Variants in KDM3A observed in about 807,000 individuals in gnomAD.
KDM3A encodes lysine demethylase 3A.
Under a neutral mutation model 158.0 loss-of-function variants are expected in KDM3A, and 60 were observed. The observed-to-expected ratio is 0.38, with a 90% CI of 0.31 to 0.47. The LOEUF (loss-of-function observed/expected upper bound fraction) is 0.47, where lower values mean the gene tolerates loss of function less well. KDM3A is among the 20% of genes least tolerant of loss of function. The pLI is 0.99. For synonymous variants in KDM3A, 608 were observed against 549.3 expected (o/e 1.11, Z -1.49); for missense variants, 1,319 against 1,574.3 (o/e 0.84, Z 2.74).
chr2:86,442,315 T>C, intron 2 of KDM3A, 82 bp downstream of exon 2: 2 of 1,340,212 alleles, frequency 1.5e-6, no homozygotes, highest in Non-Finnish European at 2.0e-6. Flanking sequence ...CCTTCCGTTT[T>C]CTGAAAACGG....
chr2:86,463,272 A>G (rs1672998005), intron 8 of KDM3A, among the ~76,000 whole-genome samples: 1 of 152,212 alleles, frequency 6.6e-6, no homozygotes, highest in Non-Finnish European at 1.5e-5. Context: ...ATTTAAGCAC[A>G]TGTGAGGAGC....
At chr2:86,491,312 T>C (rs1674445582) in intron 25 of KDM3A, 37 bp downstream of exon 25, 3 of 1,603,948 alleles carry the variant, frequency 1.9e-6, no homozygotes, top group Non-Finnish European at 1.7e-6. Context: ...TCTTTGGCTA[T>C]GGCTATGGCT....
intron 18 of KDM3A, 179 bp from the exon 19 acceptor site, chr2:86,483,808 G>C: frequency 1.9e-6 from 1 of 536,668 alleles, no homozygotes; most frequent in Non-Finnish European, 3.3e-6. Flanking sequence ...CAGATGAATG[G>C]TGAAGGTTGG....
chr2:86,450,585 G>T (rs1465201760), intron 3 of KDM3A, among the ~76,000 whole-genome samples: 2 of 152,184 alleles, frequency 1.3e-5, no homozygotes, highest in African/African-American at 4.8e-5. Context: ...AGTCTTTATG[G>T]GACTTGAGCT....
chr2:86,443,675 C>T (rs1682838083), intron 2 of KDM3A: 1 of 152,146 alleles, frequency 6.6e-6, no homozygotes, highest in Non-Finnish European at 1.5e-5. Flanking sequence ...CAGAAGCTGC[C>T]CTCTTAACCA....
chr2:86,466,745 A>C lies in KDM3A; in HGVS notation c.1381A>C (p.Ser461Arg). ...ACCAGAAGTGAAAGCAGGTGTCAAT[A>C]GTGATAGCCCTAATAACTGTTCAGG... ...NAPEVKAGVN[S>R]DSPNNCSGKK... Residue 461 changes from serine (S) to arginine (R), a missense_variant, in exon 10 of 26, where the codon AGT (serine) becomes CGT (arginine). This residue lies in a region of KDM3A where 652 missense variants were observed against 627.2 expected (regional missense o/e 1.04). Transcript: ENST00000312912. 2 of 1,613,896 alleles carry C rather than the reference A, an allele frequency of 1.2e-6. No homozygotes were observed. Among genetic ancestry groups the C allele is most frequent in the Non-Finnish European group, 1.7e-6 (2 of 1,179,862 alleles).
intron 15 of KDM3A, chr2:86,479,872 C>T (rs573401079): frequency 3.3e-6 from 1 of 306,936 alleles, no homozygotes; most frequent in African/African-American, 2.2e-5. Context: ...ACAAACTGGT[C>T]ATTTTAAACC....
intron 15 of KDM3A, chr2:86,479,919 AG>A (rs1284659857): frequency 5.9e-6 from 3 of 509,654 alleles, no homozygotes; most frequent in Non-Finnish European, 1.1e-5. Context: ...ATGTACCAGC[AG>A]GGGCTGGTGA....
intron 4 of KDM3A, among the ~76,000 whole-genome samples, chr2:86,454,868 G>A (rs1401832018): frequency 6.6e-6 from 1 of 152,128 alleles, no homozygotes; most frequent in Non-Finnish European, 1.5e-5. Flanking sequence ...AGCTTGGGAT[G>A]ACTTTACTTC....
rs566662136 is a variant in KDM3A at position 86,450,438 on chromosome 2, T to C, written c.342+476T>C. Among the ~76,000 whole-genome samples, 17 of 152,336 alleles carry C rather than the reference T, an allele frequency of 1.1e-4. No homozygotes were observed. The South Asian group carries it at 2.7e-3, about 24-fold the overall frequency. ...TGTAGGGTTTCCAGTCTTGATCTTA[T>C]GATCTTTAAGGTTCCCTCTGGATTA... On this transcript the variant is annotated intron_variant, in intron 3 of 25. Transcript: ENST00000312912.
chr2:86,467,850 A>C (rs1181776492), intron 10 of KDM3A, among the ~76,000 whole-genome samples: 1 of 151,998 alleles, frequency 6.6e-6, no homozygotes, highest in East Asian at 1.9e-4. Context: ...GTGAGACCCC[A>C]TCTCCACAAA....
rs1188282775 is a variant in KDM3A at position 86,491,403 on chromosome 2, T to TG, written c.3885+129dup. The TG allele has an allele frequency of 1.7e-5, 15 of 887,148 alleles. No homozygotes were observed. The African/African-American group carries it at 2.0e-4, about 12-fold the overall frequency. 55.0% of individuals were successfully genotyped at this position (887,148 alleles called of 1,614,324 possible). A position where few individuals can be genotyped will look rare whatever the true frequency, so the allele number is the denominator to read the frequency against. ...TTAGTACACAGTGAGTCGAGGAACT[T>TG]GCTTTATATCTAGTACTACTATCTA... On this transcript the variant is annotated intron_variant, in intron 25 of 25. Transcript: ENST00000312912.
At chr2:86,491,723 TG>T (rs1674465241) in intron 25 of KDM3A, 1 of 344,588 alleles carries the variant, frequency 2.9e-6, no homozygotes, top group Non-Finnish European at 5.3e-6. Flanking sequence ...CATAATTTCA[TG>T]TTTGGAAAAT....
intron 2 of KDM3A, among the ~76,000 whole-genome samples, chr2:86,448,443 A>C (rs1415294687): frequency 2.6e-5 from 4 of 152,236 alleles, no homozygotes; most frequent in Admixed American, 6.5e-5. Context: ...ATACAGTTGT[A>C]AGCAAAAGCA....
chr2:86,447,230 G>C (rs935627421), intron 2 of KDM3A, among the ~76,000 whole-genome samples: 1 of 150,806 alleles, frequency 6.6e-6, no homozygotes, highest in Non-Finnish European at 1.5e-5. Flanking sequence ...TGTGATTTTT[G>C]GCTAATACAG....
At chr2:86,446,664 C>T (rs538922212) in intron 2 of KDM3A, among the ~76,000 whole-genome samples, 233 of 152,270 alleles carry the variant, frequency 1.5e-3, no homozygotes, top group Non-Finnish European at 2.3e-3. Flanking sequence ...GAGCTGAGAT[C>T]GCGCCACTAC....
At chr2:86,455,008 G>A (rs1286175208) in intron 4 of KDM3A, 77 bp from the exon 5 acceptor site, 3 of 801,236 alleles carry the variant, frequency 3.7e-6, no homozygotes. Context: ...TTAACCAATT[G>A]AAATAGCCCA....
chr2:86,473,721 C>G (rs530706787), intron 11 of KDM3A, among the ~76,000 whole-genome samples: 1 of 152,240 alleles, frequency 6.6e-6, no homozygotes, highest in East Asian at 1.9e-4. Context: ...TGTACTCCAG[C>G]CTGGGCATTG....
At chr2:86,478,485 C>A in intron 14 of KDM3A, 123 bp from the exon 15 acceptor site, 2 of 1,142,608 alleles carry the variant, frequency 1.8e-6, no homozygotes, top group Non-Finnish European at 1.3e-6. Context: ...GCCTCTGGAG[C>A]AGGATGAAAA....
Sources: allele counts gnomAD v4.1 joint callset (sites outside exome capture counted in the v4.1 genomes callset), GRCh38; gene constraint gnomAD v4.1.1; regional missense constraint gnomAD v4.1.1; transcripts MANE v1.5; gene names NCBI Gene and HGNC (gene_info 2026-07-23, HGNC 2026-07-21).